Variants in EHBP1 observed in about 807,000 individuals in gnomAD.
The protein encoded by EHBP1 is EH domain-binding protein 1.
EHBP1 carries 55 observed loss-of-function variants against 144.0 expected under a neutral mutation model. The ratio of observed to expected loss-of-function variants is 0.38; its 90% CI spans 0.31 to 0.48. The LOEUF is 0.48. Ranked by LOEUF, EHBP1 falls within the 20% of genes least tolerant of loss-of-function variation. The pLI, the probability that EHBP1 is intolerant of heterozygous loss-of-function variation, is 0.98. For missense variants in EHBP1, 1,200 were observed against 1,364.2 expected (o/e 0.88, Z 1.90); for synonymous variants, 469 against 472.7 (o/e 0.99, Z 0.10).
At chr2:62,691,346 G>A (rs563404807) in intron 1 of EHBP1, among the ~76,000 whole-genome samples, 3 of 152,210 alleles carry the variant, frequency 2.0e-5, no homozygotes, top group African/African-American at 4.8e-5. Context: ...CAAGATAGTC[G>A]CTAAAGCTCT....
At chr2:62,698,481 A>C (rs767546786) in intron 1 of EHBP1, among the ~76,000 whole-genome samples, 4 of 152,240 alleles carry the variant, frequency 2.6e-5, no homozygotes, top group African/African-American at 4.8e-5. Context: ...TGTGATTTTT[A>C]AAATTTTAAA....
intron 2 of EHBP1, among the ~76,000 whole-genome samples, chr2:62,717,564 T>G (rs1483749596): frequency 6.6e-6 from 1 of 152,224 alleles, no homozygotes; most frequent in Non-Finnish European, 1.5e-5. Context: ...GGTATTTGTC[T>G]TATGTATCAC....
intron 19 of EHBP1, among the ~76,000 whole-genome samples, chr2:63,005,582 A>G (rs963942580): frequency 2.0e-5 from 3 of 152,008 alleles, no homozygotes; most frequent in African/African-American, 7.2e-5. Flanking sequence ...TATGCATATC[A>G]CTCATAATTA....
At chr2:63,026,293 C>CG (rs2060970503) in intron 19 of EHBP1, among the ~76,000 whole-genome samples, 4 of 97,202 alleles carry the variant, frequency 4.1e-5, no homozygotes, top group Admixed American at 1.2e-4. Context: ...GGCTCTCTAC[C>CG]TTGTGTGTGT....
At chr2:62,907,478 C>G (rs2053894156) in intron 10 of EHBP1, among the ~76,000 whole-genome samples, 1 of 152,132 alleles carries the variant, frequency 6.6e-6, no homozygotes, top group Non-Finnish European at 1.5e-5. Flanking sequence ...GTTTTGGAGA[C>G]TGGAAAGTCC....
chr2:62,679,332 C>T (rs368995221), intron 1 of EHBP1, among the ~76,000 whole-genome samples: 4 of 152,310 alleles, frequency 2.6e-5, no homozygotes, highest in African/African-American at 9.6e-5. Context: ...CATAGCCTCT[C>T]CAGAAAGCCA....
At chr2:62,799,622 A>G (rs907291040) in intron 5 of EHBP1, among the ~76,000 whole-genome samples, 1 of 152,194 alleles carries the variant, frequency 6.6e-6, no homozygotes, top group Non-Finnish European at 1.5e-5. Flanking sequence ...GCTCAACACT[A>G]CACAAATATT....
chr2:62,955,423 A>G lies in EHBP1; in HGVS notation c.2317-94A>G, dbSNP rs1022897604. On this transcript the variant is annotated intron_variant, in intron 13 of 22. Transcript: ENST00000431489. Reference sequence around the variant, plus strand: ...AGCTACAATCTTATTCATAATCTCTATTATTTCAGCAGATTGTCTAACCTT... The same window carrying G: ...AGCTACAATCTTATTCATAATCTCTGTTATTTCAGCAGATTGTCTAACCTT... The G allele has an allele frequency of 5.0e-6, 6 of 1,194,608 alleles. No individual in the cohort carries two copies. The African/African-American group carries it at 6.2e-5, about 12-fold the overall frequency. The allele number at this position is 1,194,608 out of a possible 1,614,324, so 74.0% of individuals were successfully genotyped here. A position where few individuals can be genotyped will look rare whatever the true frequency, so the allele number is the denominator to read the frequency against.
intron 3 of EHBP1, among the ~76,000 whole-genome samples, chr2:62,758,672 A>G (rs1344482784): frequency 6.6e-6 from 1 of 152,228 alleles, no homozygotes; most frequent in Non-Finnish European, 1.5e-5. Context: ...TTAGGCTCAC[A>G]GAGAGGTTGG....
At chr2:62,859,693 T>C (rs751885126) in intron 8 of EHBP1, among the ~76,000 whole-genome samples, 3 of 152,098 alleles carry the variant, frequency 2.0e-5, no homozygotes, top group Non-Finnish European at 4.4e-5. Flanking sequence ...AGAGAATTAG[T>C]AGTGAGAGTG....
intron 3 of EHBP1, among the ~76,000 whole-genome samples, chr2:62,758,356 G>C (rs1351061087): frequency 1.3e-5 from 2 of 152,102 alleles, no homozygotes; most frequent in Admixed American, 6.5e-5. Flanking sequence ...TGAGCCGCCC[G>C]CCTCAGCCTC....
rs1380174978 is a variant in EHBP1, at chr2:62,759,395, A to G, written c.163-4871A>G. ...GCTCTCATAGTGCTGATGTTTGCCA[A>G]TATGGTGTGCTTTTTCTTTTGTTTT... On this transcript the variant is annotated intron_variant, in intron 3 of 22. Coordinates refer to ENST00000431489, the MANE Select transcript of EHBP1 (RefSeq NM_001142616.3). Among the ~76,000 whole-genome samples, 11 of 152,180 alleles carry G rather than the reference A, an allele frequency of 7.2e-5. No homozygotes were observed. In the East Asian group the frequency reaches 1.9e-3, roughly 27 times the overall value.
intron 2 of EHBP1, among the ~76,000 whole-genome samples, chr2:62,738,305 C>G (rs1356894728): frequency 6.6e-6 from 1 of 152,138 alleles, no homozygotes; most frequent in Admixed American, 6.5e-5. Context: ...TTCATTGTGA[C>G]TTAGTAAACA....
intron 5 of EHBP1, among the ~76,000 whole-genome samples, chr2:62,820,133 C>T (rs746389924): frequency 1.8e-4 from 27 of 151,144 alleles, no homozygotes; most frequent in Admixed American, 7.3e-4. Flanking sequence ...ATCACTTGAG[C>T]CCAGGAGGCA....
At chr2:62,911,282 A>C (rs1439226661) in intron 10 of EHBP1, among the ~76,000 whole-genome samples, 4 of 152,174 alleles carry the variant, frequency 2.6e-5, no homozygotes, top group Non-Finnish European at 4.4e-5. Context: ...TGTAGTGAGG[A>C]TTAAACACAT....
chr2:62,723,317 T>C (rs1427291684), intron 2 of EHBP1, among the ~76,000 whole-genome samples: 3 of 152,222 alleles, frequency 2.0e-5, no homozygotes, highest in Non-Finnish European at 4.4e-5. Flanking sequence ...ATTTTTTTTC[T>C]GTTTTCTATT....
chr2:62,733,842 C>T (rs1447933337), intron 2 of EHBP1, among the ~76,000 whole-genome samples: 1 of 152,172 alleles, frequency 6.6e-6, no homozygotes, highest in Non-Finnish European at 1.5e-5. Context: ...CATCCAACCT[C>T]TAGTAATTGG....
At chr2:62,841,252 A>G (rs2047825037) in intron 7 of EHBP1, among the ~76,000 whole-genome samples, 2 of 150,302 alleles carry the variant, frequency 1.3e-5, no homozygotes, top group Admixed American at 1.3e-4. Context: ...AAAAAACCAA[A>G]CACCGCATAT....
intron 10 of EHBP1, among the ~76,000 whole-genome samples, chr2:62,923,733 A>T (rs967980010): frequency 6.6e-6 from 1 of 152,178 alleles, no homozygotes; most frequent in African/African-American, 2.4e-5. Flanking sequence ...TGACCCAAGA[A>T]ACACTCCGAG....
Sources: gnomAD v4.1 joint callset for allele counts (sites outside exome capture counted in the v4.1 genomes callset) on GRCh38, gnomAD v4.1.1 for gene constraint, MANE v1.5 for transcripts, NCBI Gene and HGNC (gene_info 2026-07-23, HGNC 2026-07-21) for gene names.